Variants in CHFR observed in about 807,000 individuals in gnomAD.
The protein encoded by CHFR is E3 ubiquitin-protein ligase CHFR.
A neutral mutation model predicts 87.6 loss-of-function variants in CHFR; 57 were observed. The ratio of observed to expected loss-of-function variants is 0.65; its 90% CI spans 0.53 to 0.81. The LOEUF (loss-of-function observed/expected upper bound fraction) is 0.81. CHFR is among the 30% of genes least tolerant of loss of function. The probability of loss-of-function intolerance (pLI) is 0.00; values close to 1 mark genes in which losing one functional copy is unlikely to be tolerated. For synonymous variants in CHFR, 381 were observed against 359.2 expected, an observed-to-expected ratio of 1.06 and a Z score of -0.69; for missense variants, 797 against 865.8, an observed-to-expected ratio of 0.92 and a Z score of 1.00.
intron 6 of CHFR, 96 bp downstream of exon 6, chr12:132,869,523 C>G: frequency 8.9e-7 from 1 of 1,125,782 alleles, no homozygotes; most frequent in Non-Finnish European, 1.3e-6. Context: ...TCATGCCAGT[C>G]CTCAGTCGCT....
chr12:132,883,023 G>A (rs995500854), intron 2 of CHFR: 9 of 152,178 alleles, frequency 5.9e-5, no homozygotes, highest in African/African-American at 2.2e-4. Flanking sequence ...ATTCTAATCT[G>A]GAACCGAGAT....
At chr12:132,849,478 C>T (rs1395919432) in intron 12 of CHFR, 2 of 152,330 alleles carry the variant, frequency 1.3e-5, no homozygotes, top group Non-Finnish European at 2.9e-5. Flanking sequence ...CCCAGGAAAA[C>T]AGTGAGAGAC....
intron 12 of CHFR, chr12:132,849,392 G>T (rs1372946999): frequency 6.6e-6 from 1 of 150,568 alleles, no homozygotes; most frequent in East Asian, 1.9e-4. Context: ...TTCTTAAACT[G>T]AACATTTACA....
chr12:132,864,212 T>C (rs1238207569), intron 6 of CHFR, among the ~76,000 whole-genome samples: 1 of 148,816 alleles, frequency 6.7e-6, no homozygotes, highest in Non-Finnish European at 1.5e-5. Context: ...TTACAGCAGC[T>C]GAAAGAAAAC....
intron 4 of CHFR, 146 bp downstream of exon 4, chr12:132,872,139 G>A (rs115645765): frequency 2.9e-5 from 18 of 628,614 alleles, no homozygotes; most frequent in African/African-American, 1.1e-4. Context: ...CACTATTCAC[G>A]GCAGGAACCC....
At position 132,841,118 on chromosome 12, in the gene CHFR, A is replaced by G. The variant is rs142376269; in HGVS notation, c.*436T>C. The G allele has an allele frequency of 6.3e-6, 1 of 158,852 alleles. No homozygotes were observed. Among genetic ancestry groups the G allele is most frequent in the Admixed American group, 6.3e-5 (1 of 15,782 alleles). The allele number at this position is 158,852 out of a possible 1,614,324, so 9.8% of individuals were successfully genotyped here. On this transcript the variant is annotated 3_prime_UTR_variant, in exon 18 of 18. Coordinates refer to ENST00000450056, the MANE Select transcript of CHFR (RefSeq NM_001161346.2). ...TTTTCCCAGCAGCAGGATATTGTGTACGTCCTGTAGGCTGTAAACTTATGC... is the reference window on the plus strand; with the variant it reads ...TTTTCCCAGCAGCAGGATATTGTGTGCGTCCTGTAGGCTGTAAACTTATGC...
Position 132,838,496 on chromosome 12 carries a change from G to C in CHFR, c.*3058C>G, listed in dbSNP as rs888439464. On this transcript the variant is annotated 3_prime_UTR_variant, in exon 18 of 18. Coordinates refer to ENST00000450056, the MANE Select transcript of CHFR (RefSeq NM_001161346.2). The stretch of plus-strand genomic sequence containing the variant: ...GGAGGGGTGGGCAGGGCTGACCCCC[G>C]CTTCTGAGGGGCACCAGGGAGCACA... 6.6e-6 allele frequency: 1 copy of C among 152,484 alleles called. No individual in the cohort carries two copies. Among genetic ancestry groups the C allele is most frequent in the Admixed American group, 6.5e-5 (1 of 15,288 alleles). The allele number at this position is 152,484 out of a possible 1,614,324, so 9.4% of individuals were successfully genotyped here.
intron 11 of CHFR, among the ~76,000 whole-genome samples, chr12:132,853,011 G>A (rs1020968285): frequency 4.6e-5 from 7 of 152,216 alleles, no homozygotes; most frequent in African/African-American, 1.2e-4. Flanking sequence ...TTCGCATTAA[G>A]CCAACTCTGG....
intron 6 of CHFR, among the ~76,000 whole-genome samples, chr12:132,862,082 G>A (rs1431958407): frequency 1.3e-5 from 2 of 152,128 alleles, no homozygotes; most frequent in African/African-American, 4.8e-5. Context: ...AGACCAGCCT[G>A]GCCAACATGG....
In CHFR at chr12:132,887,107, G is replaced by A. The variant is rs1051667181; in HGVS notation, c.133+89C>T. ...ATTTCACTCCACGGAAAAATCTGGAGCGCACACTGCACCGCCGCCCGTGTG... is the reference window on the plus strand; with the variant it reads ...ATTTCACTCCACGGAAAAATCTGGAACGCACACTGCACCGCCGCCCGTGTG... On this transcript the variant is annotated intron_variant, in intron 2 of 17. Transcript: ENST00000450056. 8 of 1,130,270 alleles carry A rather than the reference G, an allele frequency of 7.1e-6. No homozygotes were observed. The Middle Eastern group carries it at 9.1e-4, about 129-fold the overall frequency. The allele number at this position is 1,130,270 out of a possible 1,614,324, so 70.0% of individuals were successfully genotyped here.
At chr12:132,858,019 C>T (rs547285650) in intron 8 of CHFR, among the ~76,000 whole-genome samples, 1 of 152,330 alleles carries the variant, frequency 6.6e-6, no homozygotes, top group South Asian at 2.1e-4. Context: ...CTACAGCCTC[C>T]GGCTCTGGGT....
intron 2 of CHFR, among the ~76,000 whole-genome samples, chr12:132,882,694 C>T (rs757140926): frequency 7.4e-6 from 1 of 135,828 alleles, no homozygotes; most frequent in African/African-American, 2.6e-5. Flanking sequence ...CGTCTCCATG[C>T]CAGAACATCA....
chr12:132,867,922 C>A (rs904694983), intron 6 of CHFR: 9 of 151,234 alleles, frequency 6.0e-5, no homozygotes, highest in African/African-American at 1.7e-4. Context: ...AAAGCTAATT[C>A]AAAACATAAT....
intron 8 of CHFR, among the ~76,000 whole-genome samples, chr12:132,858,057 G>C (rs1272933278): frequency 6.6e-6 from 1 of 152,156 alleles, no homozygotes; most frequent in Non-Finnish European, 1.5e-5. Flanking sequence ...TTGGTGCCAC[G>C]AGTAGAATGA....
intron 2 of CHFR, among the ~76,000 whole-genome samples, chr12:132,886,827 C>T (rs1489843311): frequency 6.6e-6 from 1 of 152,140 alleles, no homozygotes; most frequent in East Asian, 1.9e-4. Flanking sequence ...TTTGACCCAC[C>T]GGTTGCTTTA....
chr12:132,857,696 A>G (rs1951113845), intron 8 of CHFR, 137 bp from the exon 9 acceptor site: 5 of 771,200 alleles, frequency 6.5e-6, no homozygotes, highest in African/African-American at 1.8e-5. Context: ...CCTTTAAGTC[A>G]GTCTTGGTTA....
chr12:132,858,703 G>A (rs1951139312), intron 8 of CHFR, among the ~76,000 whole-genome samples: 1 of 120,288 alleles, frequency 8.3e-6, no homozygotes. Flanking sequence ...ACTCCAGCCT[G>A]GTGACAGAGC....
chr12:132,860,198 T>C (rs1951182462), intron 7 of CHFR, among the ~76,000 whole-genome samples: 1 of 152,244 alleles, frequency 6.6e-6, no homozygotes, highest in Admixed American at 6.5e-5. Context: ...TTCTAAGTTA[T>C]CATGGTACAT....
At chr12:132,863,188 G>C (rs140943466) in intron 6 of CHFR, among the ~76,000 whole-genome samples, 2 of 143,098 alleles carry the variant, frequency 1.4e-5, no homozygotes, top group African/African-American at 2.5e-5. Context: ...GAGCCACCGC[G>C]CCCGGCCTGA....
Sources: gnomAD v4.1 joint callset for allele counts (sites outside exome capture counted in the v4.1 genomes callset) on GRCh38, gnomAD v4.1.1 for gene constraint, MANE v1.5 for transcripts, NCBI Gene and HGNC (gene_info 2026-07-23, HGNC 2026-07-21) for gene names.